PPP1R9A: variants seen among roughly 807,000 people sequenced by gnomAD.
The protein encoded by PPP1R9A is protein phosphatase 1 regulatory subunit 9A, also known as neurabin-1.
Under a neutral mutation model 141.9 loss-of-function variants are expected in PPP1R9A, and 59 were observed. That is an observed-to-expected ratio of 0.42 (90% CI 0.34 to 0.52). The LOEUF (loss-of-function observed/expected upper bound fraction) is 0.52. Ranked by LOEUF, PPP1R9A falls within the 20% of genes least tolerant of loss-of-function variation. The pLI, the probability that PPP1R9A is intolerant of heterozygous loss-of-function variation, is 0.10. For missense variants in PPP1R9A, 1,444 were observed against 1,611.9 expected (o/e 0.90, Z 1.78); for synonymous variants, 500 against 569.7 (o/e 0.88, Z 1.74).
chr7:95,128,074 C>T (rs1823898877), intron 4 of PPP1R9A, among the ~76,000 whole-genome samples: 1 of 152,164 alleles, frequency 6.6e-6, no homozygotes, highest in South Asian at 2.1e-4. Context: ...CTTCTGTGTT[C>T]TTTGAGAAAT....
At chr7:94,962,339 T>C (rs1797728411) in intron 2 of PPP1R9A, among the ~76,000 whole-genome samples, 1 of 151,962 alleles carries the variant, frequency 6.6e-6, no homozygotes, top group Admixed American at 6.6e-5. Context: ...TTAAAGAATA[T>C]CCTGATAAAG....
At chr7:94,929,065 A>G (rs146100981) in intron 2 of PPP1R9A, among the ~76,000 whole-genome samples, 24 of 152,354 alleles carry the variant, frequency 1.6e-4, no homozygotes, top group African/African-American at 5.5e-4. Flanking sequence ...TTACATTAAT[A>G]TAGACCTATT....
rs114672296 is a variant in PPP1R9A, at chr7:95,111,005, C to G, written c.1396-254C>G. Among the ~76,000 whole-genome samples the G allele has an allele frequency of 7.8e-3, 1,188 of 152,272 alleles. 10 individuals are homozygous for G. Among genetic ancestry groups the G allele is most frequent in the African/African-American group, 0.028 (1,145 of 41,554 alleles). ...ATAAAAGGCGATAAATATTGCTATT[C>G]ACATAATGTGTTCTGAGGCTACTTT... On this transcript the variant is annotated intron_variant, in intron 2 of 19. Transcript: ENST00000433360.
chr7:95,003,217 T>A (rs1358944345), intron 2 of PPP1R9A, among the ~76,000 whole-genome samples: 1 of 152,188 alleles, frequency 6.6e-6, no homozygotes, highest in Non-Finnish European at 1.5e-5. Flanking sequence ...TCTCCTGTTT[T>A]CAGTCATCAG....
rs746482283 is a variant in PPP1R9A, at chr7:95,187,695, T to C, written c.1755-10654T>C. On this transcript the variant is annotated intron_variant, in intron 5 of 19. Coordinates refer to ENST00000433360, the MANE Select transcript of PPP1R9A (RefSeq NM_001166160.2). ...TTGCTGTGTCCTAGAAGTTTTAATA[T>C]GTTGTGTCACTATTATTGTTTAGTT... 3.9e-4 allele frequency among the ~76,000 whole-genome samples: 60 copies of C among 152,296 alleles called. No homozygotes were observed. In the South Asian group the frequency reaches 4.1e-3, roughly 11 times the overall value.
chr7:95,024,664 G>T (rs1305363961), intron 2 of PPP1R9A, among the ~76,000 whole-genome samples: 2 of 151,868 alleles, frequency 1.3e-5, no homozygotes, highest in Non-Finnish European at 2.9e-5. Flanking sequence ...TTGAGCCTAT[G>T]TGTATCTTAG....
intron 2 of PPP1R9A, among the ~76,000 whole-genome samples, chr7:95,049,429 A>AAG (rs1286095507): frequency 1.3e-5 from 2 of 152,128 alleles, no homozygotes; most frequent in Non-Finnish European, 2.9e-5. Context: ...GTGGAAAGTA[A>AAG]AGAGAGGCTC....
chr7:95,082,766 C>CTTTTTTTT (rs1159814204), intron 2 of PPP1R9A, among the ~76,000 whole-genome samples: 1 of 109,518 alleles, frequency 9.1e-6, no homozygotes, highest in Non-Finnish European at 1.7e-5. Context: ...GAAGGGATTT[C>CTTTTTTTT]TTTTTTTTTT....
chr7:95,137,402 A>C (rs1344577086), intron 4 of PPP1R9A, among the ~76,000 whole-genome samples: 1 of 137,806 alleles, frequency 7.3e-6, no homozygotes, highest in Non-Finnish European at 1.6e-5. Context: ...TGTCCCTACA[A>C]AGGACATGAA....
At chr7:94,935,845 A>G (rs1298773293) in intron 2 of PPP1R9A, among the ~76,000 whole-genome samples, 1 of 152,212 alleles carries the variant, frequency 6.6e-6, no homozygotes, top group Non-Finnish European at 1.5e-5. Flanking sequence ...GAAACCAGAG[A>G]TTGCGGATTT....
At position 95,288,518 on chromosome 7, in the gene PPP1R9A, G is replaced by A. The variant is rs201633440; in HGVS notation, c.3730-18G>A. 3,487 of 1,612,280 alleles carry A rather than the reference G, an allele frequency of 2.2e-3. 5 individuals are homozygous for A. Among genetic ancestry groups the A allele is most frequent in the Non-Finnish European group, 2.7e-3 (3,229 of 1,179,224 alleles). ...TATCTTGGTCCTTTAACAACACTAC[G>A]TAACATTCCTATCTTAGATCCTTGA... On this transcript the variant is annotated intron_variant, in intron 18 of 19. Coordinates refer to ENST00000433360, the MANE Select transcript of PPP1R9A (RefSeq NM_001166160.2).
intron 16 of PPP1R9A, among the ~76,000 whole-genome samples, chr7:95,282,736 C>T (rs1804514856): frequency 6.6e-6 from 1 of 152,264 alleles, no homozygotes; most frequent in Admixed American, 6.5e-5. Flanking sequence ...ATGCTGATCT[C>T]AATATTTTAT....
chr7:95,021,106 T>G (rs1440487016), intron 2 of PPP1R9A, among the ~76,000 whole-genome samples: 2 of 152,168 alleles, frequency 1.3e-5, no homozygotes, highest in Non-Finnish European at 2.9e-5. Flanking sequence ...GTAAAAGCAT[T>G]CCTATTTCTC....
intron 2 of PPP1R9A, among the ~76,000 whole-genome samples, chr7:94,949,513 A>G (rs1482976728): frequency 2.0e-5 from 3 of 152,152 alleles, no homozygotes; most frequent in African/African-American, 7.2e-5. Context: ...TGGCCCCCAT[A>G]TAAAACAAAA....
intron 4 of PPP1R9A, among the ~76,000 whole-genome samples, chr7:95,159,199 A>G (rs1447113509): frequency 1.3e-5 from 2 of 152,228 alleles, no homozygotes; most frequent in East Asian, 1.9e-4. Context: ...ATGATACTAT[A>G]TAGTTGTTAA....
At chr7:95,099,349 A>AT (rs1818453433) in intron 2 of PPP1R9A, among the ~76,000 whole-genome samples, 1 of 152,160 alleles carries the variant, frequency 6.6e-6, no homozygotes, top group Admixed American at 6.5e-5. Context: ...AAGGCCACCA[A>AT]TTTATTTCAT....
At chr7:95,277,583 CCATGTCCAG>C (rs1329334251) in intron 16 of PPP1R9A, among the ~76,000 whole-genome samples, 1 of 152,022 alleles carries the variant, frequency 6.6e-6, no homozygotes, top group Non-Finnish European at 1.5e-5. Context: ...GTGTGTGCCA[CCATGTCCAG>C]CTTAAAAAAA....
chr7:95,185,858 G>T (rs1367114761), intron 5 of PPP1R9A, among the ~76,000 whole-genome samples: 3 of 151,904 alleles, frequency 2.0e-5, no homozygotes, highest in Admixed American at 6.6e-5. Flanking sequence ...TTTATTTCTG[G>T]GTTCTCTATT....
intron 2 of PPP1R9A, among the ~76,000 whole-genome samples, chr7:94,976,231 TTAA>T (rs1418550987): frequency 1.3e-5 from 2 of 152,162 alleles, no homozygotes; most frequent in Non-Finnish European, 2.9e-5. Context: ...TACTAAATTA[TTAA>T]TAACATAAAA....
Sources: gnomAD v4.1 joint callset for allele counts (sites outside exome capture counted in the v4.1 genomes callset) on GRCh38, gnomAD v4.1.1 for gene constraint, MANE v1.5 for transcripts, NCBI Gene and HGNC (gene_info 2026-07-23, HGNC 2026-07-21) for gene names.